MAGI1: variants seen among roughly 807,000 people sequenced by gnomAD.
MAGI1 encodes membrane associated guanylate kinase, WW and PDZ domain containing 1, also known as membrane-associated guanylate kinase, WW and PDZ domain-containing protein 1.
A neutral mutation model predicts 139.9 loss-of-function variants in MAGI1; 58 were observed. That is an observed-to-expected ratio of 0.41 (90% CI 0.34 to 0.52). MAGI1 has a LOEUF of 0.52. Ranked by LOEUF, MAGI1 falls within the 20% of genes least tolerant of loss-of-function variation. The probability of loss-of-function intolerance (pLI) is 0.12; values close to 1 mark genes in which losing one functional copy is unlikely to be tolerated. For missense variants in MAGI1, 1,874 were observed against 1,901.6 expected, an observed-to-expected ratio of 0.99 and a Z score of 0.27; for synonymous variants, 812 against 737.9, an observed-to-expected ratio of 1.10 and a Z score of -1.63.
chr3:65,580,466 A>G (rs138139888), intron 2 of MAGI1, among the ~76,000 whole-genome samples: 4 of 152,274 alleles, frequency 2.6e-5, no homozygotes, highest in African/African-American at 9.6e-5. Context: ...TCAAACACCA[A>G]AAGTTCTTCC....
chr3:65,610,860 T>G (rs1310928485), intron 2 of MAGI1, among the ~76,000 whole-genome samples: 1 of 138,856 alleles, frequency 7.2e-6, no homozygotes, highest in African/African-American at 2.6e-5. Context: ...ATAGTACATA[T>G]ACACTATATA....
chr3:65,591,444 G>A (rs932591556), intron 2 of MAGI1, among the ~76,000 whole-genome samples: 4 of 152,034 alleles, frequency 2.6e-5, no homozygotes, highest in African/African-American at 9.7e-5. Context: ...ACTCTGGTCT[G>A]GCCACTATAA....
chr3:65,566,833 G>C (rs1213664828), intron 2 of MAGI1, among the ~76,000 whole-genome samples: 1 of 147,250 alleles, frequency 6.8e-6, no homozygotes, highest in Admixed American at 6.9e-5. Flanking sequence ...TCCTGACCCG[G>C]TGATCCACCC....
chr3:65,406,998 A>C (rs986380654), intron 12 of MAGI1, among the ~76,000 whole-genome samples: 1 of 152,124 alleles, frequency 6.6e-6, no homozygotes, highest in African/African-American at 2.4e-5. Flanking sequence ...TTATTCGAAA[A>C]CCTATCAATG....
rs575506375 is a variant in MAGI1 at position 65,771,183 on chromosome 3, T to A, written c.314-149095A>T. On this transcript the variant is annotated intron_variant, in intron 1 of 22. Transcript: ENST00000402939. ...TTAGCCAGGCATGGTGGCATGCACCTGTAGTCCCAGCTACTCAGGAGGCTA... is the reference window on the plus strand; with the variant it reads ...TTAGCCAGGCATGGTGGCATGCACCAGTAGTCCCAGCTACTCAGGAGGCTA... Among the ~76,000 whole-genome samples the A allele has an allele frequency of 1.6e-3, 242 of 151,994 alleles. 1 individual carries two copies. The highest frequency in any genetic ancestry group is 5.5e-3 in the African/African-American group (228 of 41,486).
intron 1 of MAGI1, among the ~76,000 whole-genome samples, chr3:65,938,627 A>G (rs893548713): frequency 6.6e-6 from 1 of 152,162 alleles, no homozygotes; most frequent in African/African-American, 2.4e-5. Context: ...AAAATAAATT[A>G]AAATAAAGTA....
At chr3:65,378,523 T>C (rs1315778291) in intron 17 of MAGI1, among the ~76,000 whole-genome samples, 2 of 152,172 alleles carry the variant, frequency 1.3e-5, no homozygotes, top group Non-Finnish European at 2.9e-5. Flanking sequence ...CGTATGCTCC[T>C]TGTAAAAACT....
At chr3:65,553,519 G>C (rs374647033) in intron 2 of MAGI1, among the ~76,000 whole-genome samples, 2 of 152,180 alleles carry the variant, frequency 1.3e-5, no homozygotes, top group African/African-American at 4.8e-5. Flanking sequence ...AGATGTAACA[G>C]TGAACAGACA....
intron 14 of MAGI1, among the ~76,000 whole-genome samples, chr3:65,386,740 A>C (rs2106943176): frequency 6.6e-6 from 1 of 152,324 alleles, no homozygotes; most frequent in African/African-American, 2.4e-5. Flanking sequence ...AATAGAGCTA[A>C]GAAAACCTTG....
chr3:65,387,070 G>T, intron 14 of MAGI1: 3 of 1,323,436 alleles, frequency 2.3e-6, no homozygotes, highest in Non-Finnish European at 3.2e-6. Flanking sequence ...TTCTCCCCAG[G>T]CCCCCAGACC....
At chr3:65,570,370 A>G (rs1576351671) in intron 2 of MAGI1, among the ~76,000 whole-genome samples, 1 of 151,762 alleles carries the variant, frequency 6.6e-6, no homozygotes, top group Admixed American at 6.6e-5. Flanking sequence ...CTAAAGTGCT[A>G]GGATCACAGG....
chr3:65,540,307 T>A (rs1441668429), intron 2 of MAGI1, among the ~76,000 whole-genome samples: 4 of 152,286 alleles, frequency 2.6e-5, no homozygotes, highest in African/African-American at 9.6e-5. Context: ...TCTATCCCCC[T>A]CACCCTGATT....
At chr3:65,460,998 G>T (rs1949743995) in intron 5 of MAGI1, among the ~76,000 whole-genome samples, 2 of 152,084 alleles carry the variant, frequency 1.3e-5, no homozygotes, top group Admixed American at 1.3e-4. Context: ...GAATAGGGCT[G>T]CAATAAACAT....
intron 3 of MAGI1, 94 bp from the exon 4 acceptor site, chr3:65,478,892 A>C: frequency 1.1e-6 from 1 of 928,768 alleles, no homozygotes; most frequent in Non-Finnish European, 1.7e-6. Context: ...CACATTAAAA[A>C]AAAAATTAAA....
intron 1 of MAGI1, among the ~76,000 whole-genome samples, chr3:65,889,846 G>A (rs1288612126): frequency 6.6e-6 from 1 of 152,174 alleles, no homozygotes; most frequent in Non-Finnish European, 1.5e-5. Flanking sequence ...TAAGCAGAAT[G>A]TACTGGTATA....
rs763763262 is a variant in MAGI1 at position 65,493,551 on chromosome 3, C to G, written c.511G>C (p.Glu171Gln). The G allele has an allele frequency of 1.9e-6, 3 of 1,613,990 alleles. No individual in the cohort carries two copies. The highest frequency in any genetic ancestry group is 2.5e-6 in the Non-Finnish European group (3 of 1,180,016). Residue 171 changes from glutamate to glutamine, a missense_variant, in exon 3 of 23, where the codon GAG becomes CAG. By Grantham distance (29) the Glu-to-Gln change is conservative (BLOSUM62 2). This residue lies in a region of MAGI1 where 648 missense variants were observed against 598.1 expected (regional missense o/e 1.08). Transcript: ENST00000402939. ...FLTVKEFLDLEQSGTLLEVGT... is the reference protein window; with the variant it reads ...FLTVKEFLDLQQSGTLLEVGT... The stretch of plus-strand genomic sequence containing the variant: ...ACTTCCAGAAGAGTCCCACTCTGCT[C>G]GAGGTCCAAGAACTCCTTCACAGTC...
At chr3:65,833,791 G>C (rs1389522032) in intron 1 of MAGI1, among the ~76,000 whole-genome samples, 2 of 152,202 alleles carry the variant, frequency 1.3e-5, no homozygotes, top group Non-Finnish European at 2.9e-5. Context: ...TCCCAGAAAA[G>C]TTTCCTTAAT....
At chr3:65,946,612 G>A (rs555464875) in intron 1 of MAGI1, among the ~76,000 whole-genome samples, 1 of 152,088 alleles carries the variant, frequency 6.6e-6, no homozygotes, top group South Asian at 2.1e-4. Flanking sequence ...TGCTGGTTAT[G>A]TCATCTGCCT....
intron 1 of MAGI1, among the ~76,000 whole-genome samples, chr3:65,726,055 C>T (rs1416614687): frequency 2.6e-5 from 4 of 152,104 alleles, no homozygotes; most frequent in Middle Eastern, 3.4e-3. Flanking sequence ...ATATTCTTGG[C>T]AGAGTATAGT....
Sources: gnomAD v4.1 joint callset for allele counts (sites outside exome capture counted in the v4.1 genomes callset) on GRCh38, gnomAD v4.1.1 for gene constraint, gnomAD v4.1.1 regional missense constraint, MANE v1.5 for transcripts, NCBI Gene and HGNC (gene_info 2026-07-23, HGNC 2026-07-21) for gene names.